The following PGM5 variants were observed in gnomAD, a reference collection of about 807,000 sequenced individuals.
PGM5 encodes phosphoglucomutase 5.
A neutral mutation model predicts 59.2 loss-of-function variants in PGM5; 23 were observed. The observed-to-expected ratio is 0.39, with a 90% CI of 0.28 to 0.55. PGM5 has a LOEUF of 0.55. PGM5 is among the 20% of genes least tolerant of loss of function. The pLI, the probability that PGM5 is intolerant of heterozygous loss-of-function variation, is 0.66. For synonymous variants in PGM5, 214 were observed against 286.0 expected (o/e 0.75, Z 2.54); for missense variants, 574 against 748.3 (o/e 0.77, Z 2.72).
At chr9:68,494,809 C>T (rs574975930) in intron 9 of PGM5, among the ~76,000 whole-genome samples, 3 of 152,328 alleles carry the variant, frequency 2.0e-5, no homozygotes, top group Admixed American at 1.3e-4. Flanking sequence ...CAGGCACTTT[C>T]TTAGTTTATC....
chr9:68,406,672 ATATATG>A (rs1220296803), intron 6 of PGM5, among the ~76,000 whole-genome samples: 2,326 of 6,358 alleles, frequency 0.37, 523 homozygotes, highest in Non-Finnish European at 0.4. Context: ...ATATATATAT[ATATATG>A]TATATATATA....
intron 9 of PGM5, among the ~76,000 whole-genome samples, chr9:68,490,854 C>T (rs1407946045): frequency 6.6e-6 from 1 of 152,084 alleles, no homozygotes; most frequent in Non-Finnish European, 1.5e-5. Context: ...ATTAGCATAC[C>T]CACAAATAGC....
At chr9:68,384,046 A>G (rs1333661705) in intron 2 of PGM5, among the ~76,000 whole-genome samples, 2 of 152,060 alleles carry the variant, frequency 1.3e-5, no homozygotes, top group African/African-American at 4.8e-5. Flanking sequence ...TGTCAAATGC[A>G]TATCCTGTTT....
At chr9:68,450,133 A>G (rs2132069382) in intron 6 of PGM5, among the ~76,000 whole-genome samples, 1 of 152,366 alleles carries the variant, frequency 6.6e-6, no homozygotes, top group African/African-American at 2.4e-5. Context: ...AAATTCAGCT[A>G]TTAAAATTGT....
At chr9:68,459,936 G>A (rs1450621844) in intron 6 of PGM5, among the ~76,000 whole-genome samples, 1 of 152,028 alleles carries the variant, frequency 6.6e-6, no homozygotes, top group Non-Finnish European at 1.5e-5. Flanking sequence ...AGATATATAC[G>A]ATGCAAATAT....
At chr9:68,469,321 G>A (rs1328881909) in intron 7 of PGM5, among the ~76,000 whole-genome samples, 1 of 152,032 alleles carries the variant, frequency 6.6e-6, no homozygotes, top group Non-Finnish European at 1.5e-5. Context: ...TTCCAAGAAA[G>A]TACTCTGTTG....
intron 6 of PGM5, among the ~76,000 whole-genome samples, chr9:68,426,341 A>G (rs546146939): frequency 6.6e-6 from 1 of 152,068 alleles, no homozygotes; most frequent in South Asian, 2.1e-4. Flanking sequence ...GAAAATATAT[A>G]AAAGACTCTT....
At chr9:68,466,261 A>T (rs1587819288) in intron 7 of PGM5, 10 of 942,294 alleles carry the variant, frequency 1.1e-5, no homozygotes, top group Non-Finnish European at 1.3e-5. Flanking sequence ...TTCTTCTCCG[A>T]TACTGTGTGT....
chr9:68,497,639 T>C (rs370928194), intron 9 of PGM5: 8 of 152,252 alleles, frequency 5.3e-5, no homozygotes, highest in Non-Finnish European at 1.0e-4. Context: ...AATGGCTTAT[T>C]CTTAAACAGG....
At chr9:68,431,173 G>A (rs1255415667) in intron 6 of PGM5, among the ~76,000 whole-genome samples, 1 of 152,166 alleles carries the variant, frequency 6.6e-6, no homozygotes, top group African/African-American at 2.4e-5. Flanking sequence ...ATCGTCTAAG[G>A]TTCCCCCAAC....
intron 6 of PGM5, among the ~76,000 whole-genome samples, chr9:68,456,477 ATTTT>A (rs782463402): frequency 7.2e-6 from 1 of 138,754 alleles, no homozygotes; most frequent in Non-Finnish European, 1.6e-5. Context: ...CGCCTGGCTA[ATTTT>A]TTTTTTTTTT....
At chr9:68,369,886 C>T (rs1834751100) in intron 1 of PGM5, among the ~76,000 whole-genome samples, 1 of 152,098 alleles carries the variant, frequency 6.6e-6, no homozygotes. Context: ...GAAGGAGTCC[C>T]TTGATGTTTG....
chr9:68,529,013 G>A (rs1382317056), intron 10 of PGM5, among the ~76,000 whole-genome samples: 1 of 152,162 alleles, frequency 6.6e-6, no homozygotes, highest in Non-Finnish European at 1.5e-5. Flanking sequence ...AACCCACTGA[G>A]GTGCCTCATA....
chr9:68,392,534 T>C (rs1822392275), intron 6 of PGM5, 61 bp downstream of exon 6: 11 of 1,591,248 alleles, frequency 6.9e-6, no homozygotes, highest in Non-Finnish European at 9.4e-6. Flanking sequence ...ATGTCTCCTT[T>C]GTTGGTTGCT....
intron 9 of PGM5, among the ~76,000 whole-genome samples, chr9:68,487,370 T>G (rs1824312072): frequency 6.6e-6 from 1 of 151,730 alleles, no homozygotes; most frequent in Non-Finnish European, 1.5e-5. Context: ...ATCAGTTCCC[T>G]CCCCTTGACC....
Position 68,527,267 on chromosome 9 carries a change from G to A in PGM5, c.1615-2300G>A, listed in dbSNP as rs145220242. 1.1e-3 allele frequency among the ~76,000 whole-genome samples: 161 copies of A among 152,244 alleles called. 1 individual carries two copies. Among genetic ancestry groups the A allele is most frequent in the South Asian group, 6.8e-3 (33 of 4,828 alleles). ...GAATATGTTTTAATCCTTTAGTTCC[G>A]TAAGGTTCAAATTCATTTTCATTGC... is the stretch of plus-strand genomic sequence containing the variant. On this transcript the variant is annotated intron_variant, in intron 10 of 10. Coordinates refer to ENST00000396396, the MANE Select transcript of PGM5 (RefSeq NM_021965.4).
chr9:68,514,482 A>G (rs1331046838), intron 10 of PGM5, among the ~76,000 whole-genome samples: 2 of 151,806 alleles, frequency 1.3e-5, no homozygotes, highest in Non-Finnish European at 2.9e-5. Flanking sequence ...GGTGCCTGTA[A>G]TCCCAGCTAC....
intron 6 of PGM5, among the ~76,000 whole-genome samples, chr9:68,443,487 T>G (rs1303543051): frequency 2.0e-5 from 3 of 152,194 alleles, no homozygotes; most frequent in African/African-American, 7.2e-5. Flanking sequence ...CAGCAAAAAG[T>G]CAATTTCACT....
At chr9:68,486,423 T>C (rs1298575959) in intron 9 of PGM5, among the ~76,000 whole-genome samples, 1 of 152,198 alleles carries the variant, frequency 6.6e-6, no homozygotes, top group Non-Finnish European at 1.5e-5. Flanking sequence ...TCTTTAGCTG[T>C]CATCTTCCTC....
Sources: gnomAD v4.1 joint callset for allele counts (sites outside exome capture counted in the v4.1 genomes callset) on GRCh38, gnomAD v4.1.1 for gene constraint, MANE v1.5 for transcripts, NCBI Gene and HGNC (gene_info 2026-07-23, HGNC 2026-07-21) for gene names.